CDH12: variants seen among roughly 807,000 people sequenced by gnomAD.
CDH12 encodes cadherin-12.
A neutral mutation model predicts 74.1 loss-of-function variants in CDH12; 41 were observed. The ratio of observed to expected loss-of-function variants is 0.55; its 90% CI spans 0.43 to 0.72. The LOEUF (loss-of-function observed/expected upper bound fraction) is 0.72. Among genes scored for constraint, CDH12 ranks in the 30% least tolerant of loss-of-function variants. The probability of loss-of-function intolerance (pLI) is 0.00; values close to 1 mark genes in which losing one functional copy is unlikely to be tolerated. For missense variants in CDH12, 945 were observed against 977.2 expected (o/e 0.97, Z 0.44); for synonymous variants, 399 against 355.0 (o/e 1.12, Z -1.39).
intron 6 of CDH12, among the ~76,000 whole-genome samples, chr5:21,939,111 G>C (rs1244282184): frequency 6.7e-6 from 1 of 148,822 alleles, no homozygotes; most frequent in African/African-American, 2.5e-5. Flanking sequence ...CTAAAAAATG[G>C]GTAAGCTGTA....
chr5:22,326,531 G>A (rs1006958452), intron 3 of CDH12, among the ~76,000 whole-genome samples: 3 of 152,158 alleles, frequency 2.0e-5, no homozygotes, highest in Non-Finnish European at 4.4e-5. Context: ...CACCGCGCCC[G>A]GCCTCCAGGT....
intron 4 of CDH12, chr5:22,139,629 A>G (rs1229390507): frequency 6.8e-6 from 1 of 146,552 alleles, no homozygotes; most frequent in East Asian, 2.0e-4. Context: ...CCCATTGATC[A>G]ATAGGGGTTG....
chr5:22,146,226 C>T lies in CDH12; in HGVS notation c.-187+66272G>A, dbSNP rs144279476. Among the ~76,000 whole-genome samples the T allele has an allele frequency of 7.0e-3, 1,058 of 152,050 alleles. 17 individuals are homozygous for T. The highest frequency in any genetic ancestry group is 0.025 in the African/African-American group (1,021 of 41,502). The stretch of plus-strand genomic sequence containing the variant: ...CACTTACAGCATATTTAATTTTAAT[C>T]CTTGCAATAATATAAATGAAATACA... On this transcript the variant is annotated intron_variant, in intron 4 of 14. Transcript: ENST00000382254.
chr5:22,107,565 T>C (rs1235694907), intron 4 of CDH12, among the ~76,000 whole-genome samples: 1 of 145,292 alleles, frequency 6.9e-6, no homozygotes, highest in Admixed American at 7.0e-5. Flanking sequence ...CTATCTTCTA[T>C]GTCAAAAGTC....
chr5:21,973,836 T>C (rs1321030408), intron 6 of CDH12, among the ~76,000 whole-genome samples: 4 of 152,202 alleles, frequency 2.6e-5, no homozygotes, highest in Non-Finnish European at 4.4e-5. Context: ...TCTAACAAGA[T>C]ATGCTTCTTT....
At chr5:22,283,253 C>CAA (rs1287919986) in intron 3 of CDH12, among the ~76,000 whole-genome samples, 6 of 134,302 alleles carry the variant, frequency 4.5e-5, no homozygotes, top group Non-Finnish European at 7.7e-5. Context: ...TATATATATA[C>CAA]ACACACACAC....
rs1163314445 is a variant in CDH12 at position 21,884,016 on chromosome 5, G to T, written c.527-29226C>A. ...TATTAAAAGAACACTCAAAATTCCA[G>T]CAATGACCACTGCTACGAATGCAGG... On this transcript the variant is annotated intron_variant, in intron 6 of 14. Transcript: ENST00000382254. 6 of 1,496,986 alleles carry T rather than the reference G, an allele frequency of 4.0e-6. No homozygotes were observed. In the East Asian group the frequency reaches 1.4e-4, roughly 34 times the overall value. 92.7% of individuals were successfully genotyped at this position (1,496,986 alleles called of 1,614,324 possible).
intron 4 of CDH12, among the ~76,000 whole-genome samples, chr5:22,162,891 C>CTTTTT (rs70957097): frequency 1.2e-5 from 1 of 80,528 alleles, no homozygotes; most frequent in African/African-American, 5.0e-5. Context: ...TTCCCTCTGA[C>CTTTTT]TTTTTTTTTT....
chr5:22,271,995 T>G (rs1736422231), intron 3 of CDH12, among the ~76,000 whole-genome samples: 1 of 152,170 alleles, frequency 6.6e-6, no homozygotes. Context: ...TGCATTAGGC[T>G]CTAAGAGAGA....
At chr5:21,882,532 C>A in intron 6 of CDH12, 1 of 984,814 alleles carries the variant, frequency 1.0e-6, no homozygotes, top group Non-Finnish European at 1.6e-6. Context: ...CTGTCCCTCA[C>A]TCGCCGCCGA....
At chr5:22,266,916 T>C (rs143788089) in intron 3 of CDH12, among the ~76,000 whole-genome samples, 1 of 152,298 alleles carries the variant, frequency 6.6e-6, no homozygotes, top group Admixed American at 6.5e-5. Flanking sequence ...CTGGGAATTA[T>C]ATTTTAGAGT....
At chr5:22,394,676 C>T (rs1243774624) in intron 3 of CDH12, among the ~76,000 whole-genome samples, 1 of 152,084 alleles carries the variant, frequency 6.6e-6, no homozygotes, top group Non-Finnish European at 1.5e-5. Context: ...TCATTGTTTA[C>T]AATTTCTGCC....
chr5:21,754,628 A>G (rs1476722993), intron 14 of CDH12, among the ~76,000 whole-genome samples: 2 of 152,156 alleles, frequency 1.3e-5, no homozygotes, highest in Non-Finnish European at 2.9e-5. Context: ...AAGCTACCAT[A>G]TAACGCGTTA....
intron 3 of CDH12, among the ~76,000 whole-genome samples, chr5:22,287,861 T>C (rs1398905090): frequency 6.6e-6 from 1 of 152,208 alleles, no homozygotes; most frequent in Non-Finnish European, 1.5e-5. Flanking sequence ...AAGACTGTTA[T>C]CAAGATGATG....
At chr5:21,813,215 A>G (rs1329593955) in intron 9 of CDH12, among the ~76,000 whole-genome samples, 2 of 152,154 alleles carry the variant, frequency 1.3e-5, no homozygotes, top group East Asian at 3.9e-4. Context: ...GTGGTGGCTC[A>G]TGCCTGTAAT....
intron 1 of CDH12, among the ~76,000 whole-genome samples, chr5:22,845,024 A>C (rs1177351077): frequency 2.0e-5 from 3 of 152,148 alleles, no homozygotes. Flanking sequence ...CCCCCTTTTC[A>C]GTATGCTCCG....
chr5:22,783,458 A>T (rs1747480218), intron 1 of CDH12, among the ~76,000 whole-genome samples: 1 of 152,144 alleles, frequency 6.6e-6, no homozygotes, highest in Non-Finnish European at 1.5e-5. Context: ...AAAATCAGAT[A>T]ACTTACTGAA....
chr5:22,019,397 A>G (rs1354358133), intron 5 of CDH12, among the ~76,000 whole-genome samples: 1 of 152,204 alleles, frequency 6.6e-6, no homozygotes, highest in Non-Finnish European at 1.5e-5. Flanking sequence ...CACTTGGTCC[A>G]AATGTTTATA....
intron 1 of CDH12, among the ~76,000 whole-genome samples, chr5:22,673,871 T>C (rs1561568159): frequency 6.6e-6 from 1 of 152,194 alleles, no homozygotes; most frequent in Non-Finnish European, 1.5e-5. Flanking sequence ...TAACTCTAAA[T>C]AGTACACTTA....
Sources: gnomAD v4.1 joint callset for allele counts (sites outside exome capture counted in the v4.1 genomes callset) on GRCh38, gnomAD v4.1.1 for gene constraint, MANE v1.5 for transcripts, NCBI Gene and HGNC (gene_info 2026-07-23, HGNC 2026-07-21) for gene names.